Variants in KAZN observed in about 807,000 individuals in gnomAD.
KAZN encodes kazrin, periplakin interacting protein, also known as kazrin.
KAZN carries 40 observed loss-of-function variants against 87.4 expected under a neutral mutation model. The observed-to-expected ratio is 0.46, with a 90% CI of 0.36 to 0.60. The LOEUF (loss-of-function observed/expected upper bound fraction) is 0.60. KAZN is among the 20% of genes least tolerant of loss of function. The pLI is 0.00. For synonymous variants in KAZN, 466 were observed against 458.3 expected (o/e 1.02, Z -0.22); for missense variants, 898 against 1,073.9 (o/e 0.84, Z 2.29).
chr1:14,300,478 C>T (rs916102146), intron 2 of KAZN, among the ~76,000 whole-genome samples: 1 of 152,148 alleles, frequency 6.6e-6, no homozygotes, highest in East Asian at 1.9e-4. Context: ...TCAAGGGATC[C>T]TCCTGCCTCA....
At chr1:14,681,091 C>T (rs1640541974) in intron 1 of KAZN, among the ~76,000 whole-genome samples, 1 of 152,166 alleles carries the variant, frequency 6.6e-6, no homozygotes, top group Non-Finnish European at 1.5e-5. Flanking sequence ...AGAAGGGGAG[C>T]TCCCTCATCA....
At chr1:13,946,526 T>C (rs751766602) in intron 1 of KAZN, among the ~76,000 whole-genome samples, 12 of 152,220 alleles carry the variant, frequency 7.9e-5, no homozygotes, top group Middle Eastern at 6.8e-3. Context: ...CTGTAGAAAA[T>C]TGGGAAATTC....
At chr1:14,389,979 T>TAC (rs1557683975) in intron 2 of KAZN, among the ~76,000 whole-genome samples, 1 of 152,066 alleles carries the variant, frequency 6.6e-6, no homozygotes, top group African/African-American at 2.4e-5. Context: ...CCCATAAATA[T>TAC]ACACACCTAC....
intron 2 of KAZN, among the ~76,000 whole-genome samples, chr1:14,394,992 G>A (rs898156569): frequency 6.6e-6 from 1 of 152,158 alleles, no homozygotes; most frequent in African/African-American, 2.4e-5. Context: ...TCTCTTTGAA[G>A]GCAAAGACTG....
chr1:14,936,159 G>C (rs537920169), intron 1 of KAZN, among the ~76,000 whole-genome samples: 12 of 152,214 alleles, frequency 7.9e-5, no homozygotes, highest in Non-Finnish European at 1.8e-4. Flanking sequence ...ACCTGCTGTG[G>C]GACCTTGTAC....
At chr1:13,999,440 T>G (rs1290786711) in intron 1 of KAZN, among the ~76,000 whole-genome samples, 1 of 152,098 alleles carries the variant, frequency 6.6e-6, no homozygotes, top group Non-Finnish European at 1.5e-5. Context: ...ATTGAACAAC[T>G]TGCTCCTGAA....
At position 14,856,473 on chromosome 1, in the gene KAZN, G is replaced by T. The variant is rs188767751; in HGVS notation, c.227-104211G>T. 6.6e-6 allele frequency among the ~76,000 whole-genome samples: 1 copy of T among 152,140 alleles called. No individual in the cohort carries two copies. Among genetic ancestry groups the T allele is most frequent in the Non-Finnish European group, 1.5e-5 (1 of 68,026 alleles). ...GCTGGGAATTAATATATACATAAGC[G>T]CATCTGCTCTAAACACTTTTTTCCC... On this transcript the variant is annotated intron_variant, in intron 1 of 14. Transcript: ENST00000376030. This position sits in a 1 kb window ranked among gnomAD's most constrained non-coding sequence, Gnocchi z 5.2.
At chr1:14,127,134 A>G (rs1644889629) in intron 1 of KAZN, among the ~76,000 whole-genome samples, 1 of 152,082 alleles carries the variant, frequency 6.6e-6, no homozygotes, top group Non-Finnish European at 1.5e-5. Context: ...GTTTCCCATC[A>G]TCTGTTTGCC....
At chr1:14,867,754 T>C (rs527780737) in intron 1 of KAZN, among the ~76,000 whole-genome samples, 10 of 111,872 alleles carry the variant, frequency 8.9e-5, no homozygotes, top group Non-Finnish European at 1.5e-4. Context: ...CATGGAGGCA[T>C]TGGGGCAAAG....
At chr1:14,076,618 A>G (rs1643470380) in intron 1 of KAZN, among the ~76,000 whole-genome samples, 1 of 152,142 alleles carries the variant, frequency 6.6e-6, no homozygotes, top group Non-Finnish European at 1.5e-5. Flanking sequence ...AAATGCTTCC[A>G]GATATGGCCA....
chr1:14,026,599 G>A (rs1021239571), intron 1 of KAZN, among the ~76,000 whole-genome samples: 3 of 152,180 alleles, frequency 2.0e-5, no homozygotes, highest in African/African-American at 7.2e-5. Flanking sequence ...CCCTGCTCCA[G>A]GAAAGCAATG....
intron 1 of KAZN, among the ~76,000 whole-genome samples, chr1:14,118,402 T>G (rs1644676904): frequency 1.3e-5 from 2 of 152,228 alleles, no homozygotes; most frequent in African/African-American, 4.8e-5. Flanking sequence ...ATTTGATAGT[T>G]ATTCTCAAGA....
At chr1:14,175,189 C>A (rs1015887778) in intron 1 of KAZN, among the ~76,000 whole-genome samples, 2 of 152,188 alleles carry the variant, frequency 1.3e-5, no homozygotes, top group Non-Finnish European at 2.9e-5. Flanking sequence ...CTGCAAGCTC[C>A]GCCTCCCGGG....
intron 2 of KAZN, among the ~76,000 whole-genome samples, chr1:14,580,205 G>A (rs1183245354): frequency 6.6e-6 from 1 of 152,212 alleles, no homozygotes; most frequent in Admixed American, 6.5e-5. Context: ...GCCAGGCAAG[G>A]TGGCTCACAC....
At chr1:14,195,529 A>ACACC (rs1646509256) in intron 2 of KAZN, among the ~76,000 whole-genome samples, 1 of 151,740 alleles carries the variant, frequency 6.6e-6, no homozygotes, top group South Asian at 2.1e-4. Context: ...ACACACACAC[A>ACACC]CACACACACA....
At chr1:14,482,511 A>G (rs566488881) in intron 2 of KAZN, among the ~76,000 whole-genome samples, 36 of 147,038 alleles carry the variant, frequency 2.4e-4, no homozygotes, top group African/African-American at 8.5e-4. Context: ...CATCTGTAAA[A>G]CAGAGATAAT....
At chr1:15,074,150 C>T (rs1639634133) in intron 8 of KAZN, among the ~76,000 whole-genome samples, 1 of 152,260 alleles carries the variant, frequency 6.6e-6, no homozygotes, top group Non-Finnish European at 1.5e-5. Flanking sequence ...AGTGGTTTTC[C>T]ACCTGTGGCC....
intron 1 of KAZN, among the ~76,000 whole-genome samples, chr1:14,765,354 AGTT>A (rs1169197744): frequency 6.6e-6 from 1 of 152,118 alleles, no homozygotes; most frequent in African/African-American, 2.4e-5. Flanking sequence ...AGTAAGAAAG[AGTT>A]GTTGTTAGGG....
chr1:14,727,720 CCTCCCTAA>C, intron 1 of KAZN, among the ~76,000 whole-genome samples: 1 of 151,752 alleles, frequency 6.6e-6, no homozygotes, highest in East Asian at 2.0e-4. Context: ...CCCACCACGG[CCTCCCTAA>C]GTGTTGGGAT....
Sources: gnomAD v4.1 joint callset for allele counts (sites outside exome capture counted in the v4.1 genomes callset) on GRCh38, gnomAD v4.1.1 for gene constraint, Gnocchi (gnomAD v3.1) non-coding constraint, MANE v1.5 for transcripts, NCBI Gene and HGNC (gene_info 2026-07-23, HGNC 2026-07-21) for gene names.